Variants in MARCHF1 observed in about 807,000 individuals in gnomAD.
MARCHF1 encodes the protein E3 ubiquitin-protein ligase MARCHF1.
MARCHF1 carries 40 observed loss-of-function variants against 54.2 expected under a neutral mutation model. That is an observed-to-expected ratio of 0.74 (90% CI 0.57 to 0.96). The LOEUF is 0.96. Among genes scored for constraint, MARCHF1 ranks in the 40% least tolerant of loss-of-function variants. The pLI, the probability that MARCHF1 is intolerant of heterozygous loss-of-function variation, is 0.00. For synonymous variants in MARCHF1, 236 were observed against 236.3 expected (o/e 1.00, Z 0.01); for missense variants, 586 against 656.5 (o/e 0.89, Z 1.17).
chr4:163,832,755 A>C, intron 4 of MARCHF1, among the ~76,000 whole-genome samples: 3 of 117,726 alleles, frequency 2.5e-5, no homozygotes, highest in Admixed American at 9.5e-5. Flanking sequence ...CAACCCCACA[A>C]CAGTCTCCAG....
intron 1 of MARCHF1, among the ~76,000 whole-genome samples, chr4:164,222,554 A>G (rs1376822099): frequency 1.3e-5 from 2 of 151,914 alleles, no homozygotes; most frequent in Non-Finnish European, 2.9e-5. Flanking sequence ...TATGTTTTCC[A>G]TAGGCAGTTC....
chr4:163,748,409 A>T (rs1455353787), intron 4 of MARCHF1, among the ~76,000 whole-genome samples: 14 of 146,314 alleles, frequency 9.6e-5, no homozygotes, highest in African/African-American at 3.4e-4. Flanking sequence ...TTTCTACCAA[A>T]AAAAAAAAAA....
chr4:164,146,698 T>C (rs1467319615), intron 1 of MARCHF1, among the ~76,000 whole-genome samples: 1 of 152,040 alleles, frequency 6.6e-6, no homozygotes, highest in Non-Finnish European at 1.5e-5. Context: ...ACTTAAACAT[T>C]AGACCTAAAA....
intron 1 of MARCHF1, among the ~76,000 whole-genome samples, chr4:164,321,030 G>A (rs894633552): frequency 6.6e-6 from 1 of 152,156 alleles, no homozygotes; most frequent in African/African-American, 2.4e-5. Flanking sequence ...TGAATACAGG[G>A]GATCTGATAC....
intron 1 of MARCHF1, among the ~76,000 whole-genome samples, chr4:164,148,999 T>TG (rs1249792637): frequency 2.6e-5 from 4 of 152,134 alleles, no homozygotes; most frequent in African/African-American, 7.2e-5. Flanking sequence ...GTTTGGGTCA[T>TG]GGGGGGCAGG....
chr4:163,578,572 G>C (rs1333840908), intron 8 of MARCHF1, among the ~76,000 whole-genome samples: 1 of 152,012 alleles, frequency 6.6e-6, no homozygotes, highest in Non-Finnish European at 1.5e-5. Context: ...ATTAGCCTTG[G>C]TTTTGTGAAG....
intron 1 of MARCHF1, among the ~76,000 whole-genome samples, chr4:164,350,786 C>T (rs371360448): frequency 4.6e-5 from 7 of 152,272 alleles, no homozygotes; most frequent in South Asian, 2.1e-4. Flanking sequence ...GGAACAGCTC[C>T]GGTCTACAGC....
chr4:164,312,565 G>A (rs1033362526), intron 1 of MARCHF1, among the ~76,000 whole-genome samples: 129 of 151,774 alleles, frequency 8.5e-4, no homozygotes, highest in Non-Finnish European at 1.6e-3. Flanking sequence ...CTCGTGATCT[G>A]CCCGCCTCAG....
intron 4 of MARCHF1, among the ~76,000 whole-genome samples, chr4:163,796,611 TA>T (rs1747923672): frequency 6.6e-6 from 1 of 152,188 alleles, no homozygotes; most frequent in Non-Finnish European, 1.5e-5. Flanking sequence ...TACAGTCTGA[TA>T]TTTTTTCTCT....
chr4:163,652,440 CT>C (rs1189498363), intron 5 of MARCHF1, among the ~76,000 whole-genome samples: 1 of 151,858 alleles, frequency 6.6e-6, no homozygotes, highest in Admixed American at 6.6e-5. Flanking sequence ...ACACTAAGAC[CT>C]CTCCTGGAAG....
intron 4 of MARCHF1, among the ~76,000 whole-genome samples, chr4:163,737,095 A>G (rs188906886): frequency 2.0e-5 from 3 of 150,998 alleles, no homozygotes; most frequent in Admixed American, 2.0e-4. Context: ...AGTGTCTTTT[A>G]ATTAGGTAAC....
chr4:163,659,859 C>T (rs147216062), intron 5 of MARCHF1, among the ~76,000 whole-genome samples: 9 of 152,076 alleles, frequency 5.9e-5, no homozygotes, highest in Non-Finnish European at 7.4e-5. Flanking sequence ...GATACCATCT[C>T]GCACCAGTCA....
intron 5 of MARCHF1, among the ~76,000 whole-genome samples, chr4:163,620,028 T>C (rs986895883): frequency 1.7e-4 from 26 of 152,130 alleles, no homozygotes; most frequent in African/African-American, 6.3e-4. Context: ...GATAGCCAAA[T>C]AGCTAATTTC....
At chr4:164,026,198 A>C (rs1024425365) in intron 2 of MARCHF1, among the ~76,000 whole-genome samples, 8 of 152,120 alleles carry the variant, frequency 5.3e-5, no homozygotes, top group Non-Finnish European at 7.4e-5. Flanking sequence ...CTATTCCAAA[A>C]AACTGAGAAG....
intron 1 of MARCHF1, among the ~76,000 whole-genome samples, chr4:164,329,577 A>G (rs1261609973): frequency 6.6e-6 from 1 of 152,182 alleles, no homozygotes; most frequent in African/African-American, 2.4e-5. Flanking sequence ...AGACTGGGTA[A>G]TTTATAAGAA....
intron 3 of MARCHF1, among the ~76,000 whole-genome samples, chr4:163,981,292 A>T (rs367550067): frequency 7.2e-5 from 11 of 152,210 alleles, no homozygotes; most frequent in East Asian, 5.8e-4. Context: ...TGCCTGCTTC[A>T]CTTTCGTTAT....
intron 2 of MARCHF1, among the ~76,000 whole-genome samples, chr4:164,109,963 A>C: frequency 6.6e-6 from 1 of 150,972 alleles, no homozygotes; most frequent in East Asian, 1.9e-4. Flanking sequence ...CACTGATAGA[A>C]CTGCACAGGT....
intron 3 of MARCHF1, among the ~76,000 whole-genome samples, chr4:163,976,852 A>G (rs371358199): frequency 9.9e-5 from 15 of 152,136 alleles, no homozygotes; most frequent in Middle Eastern, 3.2e-3. Context: ...TATGCAGTGC[A>G]TTTCAGTCAC....
intron 1 of MARCHF1, among the ~76,000 whole-genome samples, chr4:164,199,508 T>A (rs1467849857): frequency 6.6e-6 from 1 of 151,998 alleles, no homozygotes; most frequent in African/African-American, 2.4e-5. Context: ...CCAGCTGTTG[T>A]AGAGCCCGCC....
Sources: allele counts gnomAD v4.1 joint callset (sites outside exome capture counted in the v4.1 genomes callset), GRCh38; gene constraint gnomAD v4.1.1; transcripts MANE v1.5; gene names NCBI Gene and HGNC (gene_info 2026-07-23, HGNC 2026-07-21).